NAALADL2: variants seen among roughly 807,000 people sequenced by gnomAD.
NAALADL2 encodes the protein inactive N-acetylated-alpha-linked acidic dipeptidase-like protein 2.
In NAALADL2, 76 loss-of-function variants were observed where a neutral mutation model predicts 87.2. The ratio of observed to expected loss-of-function variants is 0.87; its 90% CI spans 0.72 to 1.05. The LOEUF (loss-of-function observed/expected upper bound fraction) is 1.05. Ranked by LOEUF, NAALADL2 falls within the 50% of genes least tolerant of loss-of-function variation. NAALADL2 has a pLI of 0.00. For missense variants in NAALADL2, 1,089 were observed against 945.8 expected, an observed-to-expected ratio of 1.15 and a Z score of -1.99; for synonymous variants, 354 against 331.0, an observed-to-expected ratio of 1.07 and a Z score of -0.75.
At chr3:175,273,154 ATTAT>A (rs762788010) in intron 4 of NAALADL2, among the ~76,000 whole-genome samples, 4 of 152,084 alleles carry the variant, frequency 2.6e-5, no homozygotes, top group Non-Finnish European at 5.9e-5. Context: ...TGGAAGCAAC[ATTAT>A]TTATAATTTG....
chr3:175,148,123 T>TAATAATAAA (rs1406058147), intron 2 of NAALADL2, among the ~76,000 whole-genome samples: 12 of 146,112 alleles, frequency 8.2e-5, no homozygotes, highest in South Asian at 2.1e-4. Flanking sequence ...ATAATAATAA[T>TAATAATAAA]AAAATAATAA....
intron 1 of NAALADL2, among the ~76,000 whole-genome samples, chr3:174,489,168 T>C (rs1463951230): frequency 1.3e-5 from 2 of 152,080 alleles, no homozygotes; most frequent in Non-Finnish European, 2.9e-5. Context: ...TTTTCTTAAA[T>C]TCTATATTAT....
Position 175,467,113 on chromosome 3 carries a change from G to T in NAALADL2, c.1462G>T (p.Asp488Tyr), listed in dbSNP as rs1234584920. 6.2e-7 allele frequency: 1 copy of T among 1,613,814 alleles called. No homozygotes were observed. The highest frequency in any genetic ancestry group is 1.3e-5 in the African/African-American group (1 of 74,918). ...MSKVKRGWRP[D>Y]RTIVFCSWGG... The stretch of plus-strand genomic sequence containing the variant: ...AAAAGTTAAGAGAGGGTGGAGACCA[G>T]ACCGAACTATTGTTTTCTGTTCTTG... Residue 488 changes from aspartate (D) to tyrosine (Y), a missense_variant, in exon 8 of 14, where the codon GAC becomes TAC. Coordinates refer to ENST00000454872, the MANE Select transcript of NAALADL2 (RefSeq NM_207015.3).
intron 1 of NAALADL2, among the ~76,000 whole-genome samples, chr3:175,039,257 C>T (rs1368223246): frequency 6.6e-6 from 1 of 152,158 alleles, no homozygotes; most frequent in Non-Finnish European, 1.5e-5. Flanking sequence ...ACCTCTGCCT[C>T]CTGGGTTCAA....
intron 1 of NAALADL2, among the ~76,000 whole-genome samples, chr3:175,073,788 A>C (rs1344182469): frequency 6.6e-6 from 1 of 152,014 alleles, no homozygotes; most frequent in African/African-American, 2.4e-5. Flanking sequence ...CTGAATACTC[A>C]TTATTTTATT....
At chr3:174,826,715 C>G (rs1210342716) in intron 3 of NAALADL2, among the ~76,000 whole-genome samples, 1 of 151,952 alleles carries the variant, frequency 6.6e-6, no homozygotes, top group African/African-American at 2.4e-5. Flanking sequence ...TCAGATAGTC[C>G]TTATAGCATG....
chr3:174,553,979 T>G (rs1053412058), intron 2 of NAALADL2, among the ~76,000 whole-genome samples: 2 of 152,152 alleles, frequency 1.3e-5, no homozygotes, highest in African/African-American at 4.8e-5. Flanking sequence ...GCTAATAATG[T>G]TCTCCATGTC....
intron 13 of NAALADL2, among the ~76,000 whole-genome samples, chr3:175,785,633 A>C (rs374960818): frequency 0.25 from 33,242 of 132,260 alleles, 4,203 homozygotes; most frequent in African/African-American, 0.34. Context: ...AATACAGCAC[A>C]CTGATGGGTC....
At chr3:175,286,084 A>G (rs1419657406) in intron 4 of NAALADL2, among the ~76,000 whole-genome samples, 1 of 152,210 alleles carries the variant, frequency 6.6e-6, no homozygotes, top group East Asian at 1.9e-4. Context: ...AAGTATGTTT[A>G]TGAAAGATAA....
At chr3:175,339,725 C>T (rs1394857164) in intron 5 of NAALADL2, among the ~76,000 whole-genome samples, 1 of 152,152 alleles carries the variant, frequency 6.6e-6, no homozygotes, top group Non-Finnish European at 1.5e-5. Flanking sequence ...TCAGAGGACT[C>T]ATGGATACCC....
At chr3:174,592,377 C>T (rs1280963204) in intron 2 of NAALADL2, among the ~76,000 whole-genome samples, 3 of 152,074 alleles carry the variant, frequency 2.0e-5, no homozygotes, top group Non-Finnish European at 4.4e-5. Context: ...ATTAACTCAT[C>T]ATTTAGCATT....
At chr3:175,523,055 G>A (rs924618497) in intron 9 of NAALADL2, among the ~76,000 whole-genome samples, 2 of 152,124 alleles carry the variant, frequency 1.3e-5, no homozygotes, top group Non-Finnish European at 2.9e-5. Context: ...GTCTACATAT[G>A]GGATTTTTCT....
At chr3:174,988,653 A>G (rs1352896659) in intron 1 of NAALADL2, among the ~76,000 whole-genome samples, 2 of 152,120 alleles carry the variant, frequency 1.3e-5, no homozygotes, top group Non-Finnish European at 2.9e-5. Context: ...CCTCTCTCCT[A>G]GCTTCTAGTA....
intron 2 of NAALADL2, among the ~76,000 whole-genome samples, chr3:175,140,744 G>A (rs1208655770): frequency 6.6e-6 from 1 of 152,180 alleles, no homozygotes; most frequent in Admixed American, 6.6e-5. Flanking sequence ...TGCCAGCCAT[G>A]TAAAGAGGTT....
At chr3:175,647,351 A>G (rs1730155552) in intron 11 of NAALADL2, among the ~76,000 whole-genome samples, 1 of 152,034 alleles carries the variant, frequency 6.6e-6, no homozygotes, top group South Asian at 2.1e-4. Flanking sequence ...TTACCTGGGT[A>G]TTTTGTCTTT....
At chr3:175,182,800 A>G in intron 2 of NAALADL2, among the ~76,000 whole-genome samples, 1 of 151,970 alleles carries the variant, frequency 6.6e-6, no homozygotes. Context: ...AAATACAAAA[A>G]AATAATTGCC....
At chr3:175,194,361 C>G (rs570292134) in intron 2 of NAALADL2, among the ~76,000 whole-genome samples, 2 of 151,806 alleles carry the variant, frequency 1.3e-5, no homozygotes, top group African/African-American at 4.8e-5. Flanking sequence ...CTGTTGCTCA[C>G]CTCATCCCTA....
chr3:175,650,316 G>A lies in NAALADL2; in HGVS notation c.1896+22930G>A, dbSNP rs114162019. On this transcript the variant is annotated intron_variant, in intron 11 of 13. Transcript: ENST00000454872. ...AGGTTGTCCAAGACTAGGTCTGGGG[G>A]ACAGTGAGTCTTTCACAGTATTGAT... 7.3e-3 allele frequency among the ~76,000 whole-genome samples: 1,110 copies of A among 152,278 alleles called. 12 individuals carry two copies. Among genetic ancestry groups the A allele is most frequent in the African/African-American group, 0.026 (1,064 of 41,552 alleles).
At chr3:174,797,597 G>C (rs1004208700) in intron 3 of NAALADL2, among the ~76,000 whole-genome samples, 1 of 151,816 alleles carries the variant, frequency 6.6e-6, no homozygotes, top group South Asian at 2.1e-4. Context: ...TTATAACCTG[G>C]TAGTATAGTT....
Sources: allele counts gnomAD v4.1 joint callset (sites outside exome capture counted in the v4.1 genomes callset), GRCh38; gene constraint gnomAD v4.1.1; transcripts MANE v1.5; gene names NCBI Gene and HGNC (gene_info 2026-07-23, HGNC 2026-07-21).